LRRK2: variants seen among roughly 807,000 people sequenced by gnomAD.
LRRK2 encodes the protein leucine rich repeat kinase 2.
In LRRK2, 203 loss-of-function variants were observed where a neutral mutation model predicts 302.6. The ratio of observed to expected loss-of-function variants is 0.67; its 90% confidence interval spans 0.60 to 0.75. LRRK2 has a LOEUF of 0.75. Ranked by LOEUF, LRRK2 falls within the 30% of genes least tolerant of loss-of-function variation. The probability of loss-of-function intolerance (pLI) is 0.00; values close to 1 mark genes in which losing one functional copy is unlikely to be tolerated. For synonymous variants in LRRK2, 1,066 were observed against 1,031.9 expected, an observed-to-expected ratio of 1.03 and a Z score of -0.63; for missense variants, 2,830 against 2,951.0, an observed-to-expected ratio of 0.96 and a Z score of 0.95.
intron 41 of LRRK2, among the ~76,000 whole-genome samples, chr12:40,345,522 C>T (rs1054476418): frequency 2.8e-5 from 4 of 144,920 alleles, no homozygotes; most frequent in African/African-American, 1.0e-4. Flanking sequence ...ACTCGGGAGG[C>T]TGAGGCAGGA....
intron 33 of LRRK2, among the ~76,000 whole-genome samples, chr12:40,317,506 C>T (rs559392133): frequency 3.3e-5 from 5 of 152,032 alleles, no homozygotes; most frequent in Non-Finnish European, 7.4e-5. Context: ...CCACTCTATG[C>T]GCCCCGAGCT....
At chr12:40,233,336 T>C (rs1415888800) in intron 3 of LRRK2, among the ~76,000 whole-genome samples, 2 of 152,224 alleles carry the variant, frequency 1.3e-5, no homozygotes, top group Non-Finnish European at 2.9e-5. Flanking sequence ...CAATGGTATA[T>C]GGTTTATGAA....
chr12:40,340,269 A>G (rs201009579), intron 40 of LRRK2, 25 bp from the exon 41 acceptor site: 19 of 1,611,832 alleles, frequency 1.2e-5, no homozygotes, highest in Non-Finnish European at 1.5e-5. Flanking sequence ...CATTTGAATA[A>G]GATTTCCTGT....
intron 25 of LRRK2, 45 bp from the exon 26 acceptor site, chr12:40,302,744 C>T: frequency 1.5e-6 from 2 of 1,299,372 alleles, no homozygotes; most frequent in Non-Finnish European, 2.2e-6. Context: ...TAATGGAAAT[C>T]TGGTTAAAAT....
chr12:40,281,954 A>C (rs1384991843), intron 18 of LRRK2, among the ~76,000 whole-genome samples: 1 of 152,108 alleles, frequency 6.6e-6, no homozygotes, highest in East Asian at 1.9e-4. Context: ...TCTTAGAGAA[A>C]AAAAAGTTAC....
At position 40,278,243 on chromosome 12, in the gene LRRK2, A is replaced by G; in HGVS notation, c.2223A>G (p.Gly741=). The change falls in exon 18 of 51, where the codon GGA becomes GGG. Residue 741 remains glycine, a synonymous_variant. Coordinates refer to ENST00000298910, the MANE Select transcript of LRRK2 (RefSeq NM_198578.4). ...CAGATGCCAATCAAGCAAAGGAGGG[A>G]TCTTCTTTAATTTGTCAGGTAAATA... is the stretch of plus-strand genomic sequence containing the variant. ...LGADANQAKE[G]SSLICQVCEK... 1 of 1,614,066 alleles carries G rather than the reference A, an allele frequency of 6.2e-7. No individual in the cohort carries two copies. The highest frequency in any genetic ancestry group is 2.2e-5 in the East Asian group (1 of 44,848).
chr12:40,347,899 G>C (rs1222278199), intron 42 of LRRK2, among the ~76,000 whole-genome samples: 1 of 152,092 alleles, frequency 6.6e-6, no homozygotes, highest in Non-Finnish European at 1.5e-5. Flanking sequence ...GGAGGTTGCA[G>C]TGAGCCGAGA....
At chr12:40,294,110 C>A (rs1944275082) in intron 21 of LRRK2, among the ~76,000 whole-genome samples, 1 of 150,062 alleles carries the variant, frequency 6.7e-6, no homozygotes, top group South Asian at 2.1e-4. Flanking sequence ...TAATATAATT[C>A]ATTGTTCATC....
Position 40,314,180 on chromosome 12 carries a change from G to A in LRRK2, c.4738+7G>A. ...CACTTTCTAAATGAATCAGGTTTGT[G>A]TTTTTCGTTCCTTATTTTCAAAGCT... is the stretch of plus-strand genomic sequence containing the variant. On this transcript the variant is annotated splice_region_variant and intron_variant, in intron 32 of 50. Coordinates refer to ENST00000298910, the MANE Select transcript of LRRK2 (RefSeq NM_198578.4). 6.2e-7 allele frequency: 1 copy of A among 1,611,518 alleles called. No homozygotes were observed. Among genetic ancestry groups the A allele is most frequent in the African/African-American group, 1.3e-5 (1 of 74,930 alleles).
At chr12:40,310,376 T>C (rs2136825840) in intron 30 of LRRK2, 55 bp from the exon 31 acceptor site, 1 of 1,535,756 alleles carries the variant, frequency 6.5e-7, no homozygotes, top group Non-Finnish European at 9.0e-7. Flanking sequence ...AACAGGAATG[T>C]GAGCAGGCCC....
rs144488089 is a variant in LRRK2, at chr12:40,305,913, G to C, written c.3906G>C (p.Leu1302=). 24 of 1,612,724 alleles carry C rather than the reference G, an allele frequency of 1.5e-5. No homozygotes were observed. The African/African-American group carries it at 3.1e-4, about 21-fold the overall frequency. The stretch of plus-strand genomic sequence containing the variant: ...TATGGGATCTTCCTTTGGATGAACT[G>C]CATCTTAACTTTGATTTTAAACATA... ...SKIWDLPLDE[L]HLNFDFKHIG... Residue 1302 remains leucine (L), a synonymous_variant, in exon 28 of 51, where the codon CTG becomes CTC. Transcript: ENST00000298910.
intron 33 of LRRK2, 95 bp from the exon 34 acceptor site, chr12:40,319,889 TCTGA>T: frequency 8.4e-7 from 1 of 1,184,544 alleles, no homozygotes; most frequent in East Asian, 2.4e-5. Flanking sequence ...CTAAAATCTT[TCTGA>T]CTACTTTCAC....
intron 5 of LRRK2, 130 bp downstream of exon 5, chr12:40,238,233 C>T: frequency 2.2e-6 from 2 of 919,282 alleles, no homozygotes. Flanking sequence ...TGGGAGTTGT[C>T]TGTCAAGGGT....
chr12:40,324,997 T>C (rs1945501842), intron 38 of LRRK2, among the ~76,000 whole-genome samples: 2 of 152,184 alleles, frequency 1.3e-5, no homozygotes, highest in Admixed American at 1.3e-4. Flanking sequence ...TTACAAAGTC[T>C]GTTTAGTTGG....
intron 43 of LRRK2, among the ~76,000 whole-genome samples, chr12:40,350,041 A>G (rs1946307058): frequency 6.6e-6 from 1 of 152,236 alleles, no homozygotes; most frequent in Admixed American, 6.5e-5. Context: ...GCAATTTTTC[A>G]GCAACCTTTT....
At position 40,340,328 on chromosome 12, in the gene LRRK2, C is replaced by T. The variant is rs2136954463; in HGVS notation, c.5983C>T (p.Leu1995=). The change falls in exon 41 of 51, where the codon CTG becomes TTG. Residue 1995 remains leucine, a synonymous_variant. Transcript: ENST00000298910. ...CTCAGCCATGATTATATACCGAGAC[C>T]TGAAACCCCACAATGTGCTGCTTTT... The part of the protein sequence containing the change: ...LHSAMIIYRD[L]KPHNVLLFTL... 1 of 1,613,830 alleles carries T rather than the reference C, an allele frequency of 6.2e-7. No individual in the cohort carries two copies. Among genetic ancestry groups the T allele is most frequent in the Non-Finnish European group, 8.5e-7 (1 of 1,179,804 alleles).
intron 50 of LRRK2, 136 bp from the exon 51 acceptor site, chr12:40,367,508 T>A (rs949029248): frequency 1.5e-6 from 1 of 668,158 alleles, no homozygotes; most frequent in Non-Finnish European, 2.3e-6. Flanking sequence ...AAATAATAAT[T>A]TAGTACATTA....
At chr12:40,270,161 T>G (rs941371133) in intron 14 of LRRK2, among the ~76,000 whole-genome samples, 2 of 152,146 alleles carry the variant, frequency 1.3e-5, no homozygotes, top group Non-Finnish European at 2.9e-5. Flanking sequence ...AATGTTAATG[T>G]TATTACTATT....
At chr12:40,235,003 A>AT (rs965939229) in intron 3 of LRRK2, among the ~76,000 whole-genome samples, 45 of 151,694 alleles carry the variant, frequency 3.0e-4, no homozygotes, top group South Asian at 2.5e-3. Context: ...TCCCCTGTTG[A>AT]TTTTTTTTTA....
Sources: gnomAD v4.1 joint callset for allele counts (sites outside exome capture counted in the v4.1 genomes callset) on GRCh38, gnomAD v4.1.1 for gene constraint, MANE v1.5 for transcripts, NCBI Gene and HGNC (gene_info 2026-07-23, HGNC 2026-07-21) for gene names.